MSRA: variants seen among roughly 807,000 people sequenced by gnomAD.
MSRA encodes methionine sulfoxide reductase A, also known as mitochondrial peptide methionine sulfoxide reductase.
MSRA carries 54 observed loss-of-function variants against 31.3 expected under a neutral mutation model. The ratio of observed to expected loss-of-function variants is 1.73; its 90% CI spans 1.39 to 2.17. The LOEUF is 2.17. Among genes scored for constraint, MSRA ranks in the 30% most tolerant of loss-of-function variants. The pLI is 0.00. For synonymous variants in MSRA, 169 were observed against 116.5 expected (o/e 1.45, Z -2.90); for missense variants, 507 against 300.9 (o/e 1.69, Z -5.07).
At chr8:10,179,412 T>C (rs1806345085) in intron 1 of MSRA, among the ~76,000 whole-genome samples, 1 of 152,236 alleles carries the variant, frequency 6.6e-6, no homozygotes, top group African/African-American at 2.4e-5. Flanking sequence ...CCATGGTTAC[T>C]TTCAGCTCTG....
chr8:10,193,366 T>G (rs1807692124), intron 1 of MSRA, among the ~76,000 whole-genome samples: 1 of 152,180 alleles, frequency 6.6e-6, no homozygotes, highest in East Asian at 1.9e-4. Context: ...TGAGGCCGCC[T>G]CCTCTGTCTC....
At chr8:10,142,245 A>C (rs545917705) in intron 1 of MSRA, among the ~76,000 whole-genome samples, 1 of 152,190 alleles carries the variant, frequency 6.6e-6, no homozygotes, top group Non-Finnish European at 1.5e-5. Flanking sequence ...GGCATGAGCC[A>C]CCGTGCCTGG....
chr8:10,228,606 C>T (rs866562073), intron 2 of MSRA, among the ~76,000 whole-genome samples: 2 of 152,308 alleles, frequency 1.3e-5, no homozygotes, highest in South Asian at 2.1e-4. Flanking sequence ...TCCACAGAGA[C>T]CAGCTTCTGA....
chr8:10,130,384 C>T (rs1010880295), intron 1 of MSRA, among the ~76,000 whole-genome samples: 1 of 152,208 alleles, frequency 6.6e-6, no homozygotes, highest in Admixed American at 6.5e-5. Flanking sequence ...TGTTGATCCC[C>T]ACTGGGGGAT....
intron 5 of MSRA, among the ~76,000 whole-genome samples, chr8:10,380,218 A>G (rs1431929818): frequency 1.3e-5 from 2 of 152,066 alleles, no homozygotes; most frequent in African/African-American, 2.4e-5. Flanking sequence ...CTCTGCCTAA[A>G]TGTTTATTTC....
intron 5 of MSRA, among the ~76,000 whole-genome samples, chr8:10,418,711 C>A (rs1050644043): frequency 2.1e-5 from 3 of 145,562 alleles, no homozygotes; most frequent in Admixed American, 1.5e-4. Context: ...CTAAGGACTT[C>A]TAGAGATAGT....
intron 5 of MSRA, among the ~76,000 whole-genome samples, chr8:10,383,750 G>C (rs573171849): frequency 1.3e-5 from 2 of 152,296 alleles, no homozygotes; most frequent in East Asian, 3.9e-4. Flanking sequence ...TGCTGCATTG[G>C]GAAACTGTAG....
chr8:10,067,519 A>G (rs1797517765), intron 1 of MSRA, among the ~76,000 whole-genome samples: 1 of 152,238 alleles, frequency 6.6e-6, no homozygotes, highest in Non-Finnish European at 1.5e-5. Context: ...TTGTGTGGTC[A>G]TAAGTTTTCA....
At chr8:10,311,512 C>G (rs1419610645) in intron 4 of MSRA, among the ~76,000 whole-genome samples, 1 of 152,134 alleles carries the variant, frequency 6.6e-6, no homozygotes, top group Non-Finnish European at 1.5e-5. Flanking sequence ...GGAACATATT[C>G]CAGGCCATAA....
chr8:10,177,042 T>A (rs1806111785), intron 1 of MSRA, among the ~76,000 whole-genome samples: 1 of 152,238 alleles, frequency 6.6e-6, no homozygotes, highest in African/African-American at 2.4e-5. Flanking sequence ...GACCTTAGAA[T>A]GAGAAATGGT....
chr8:10,179,784 G>C (rs1806375982), intron 1 of MSRA, among the ~76,000 whole-genome samples: 1 of 152,202 alleles, frequency 6.6e-6, no homozygotes, highest in Non-Finnish European at 1.5e-5. Context: ...TATTCAATGA[G>C]AGGTTGAAGG....
At chr8:10,097,023 T>A (rs915790101) in intron 1 of MSRA, among the ~76,000 whole-genome samples, 3 of 152,238 alleles carry the variant, frequency 2.0e-5, no homozygotes, top group Admixed American at 6.5e-5. Flanking sequence ...GTTTGGAGTA[T>A]GTAATCATTG....
chr8:10,318,940 G>A (rs7010549), intron 4 of MSRA, among the ~76,000 whole-genome samples: 88,101 of 152,048 alleles, frequency 0.58, 26,179 homozygotes, highest in African/African-American at 0.68. Flanking sequence ...CTGCTCCGCA[G>A]TCCTTACCTT....
intron 4 of MSRA, among the ~76,000 whole-genome samples, chr8:10,314,910 C>G (rs1585441641): frequency 6.6e-6 from 1 of 152,122 alleles, no homozygotes; most frequent in Non-Finnish European, 1.5e-5. Flanking sequence ...AGTCTATTCC[C>G]ATGCTGCTAA....
At chr8:10,162,160 G>A (rs1005258758) in intron 1 of MSRA, among the ~76,000 whole-genome samples, 4 of 152,154 alleles carry the variant, frequency 2.6e-5, no homozygotes, top group African/African-American at 7.2e-5. Flanking sequence ...AGTGGTCTGC[G>A]GTGGAACAGT....
chr8:10,073,516 A>G (rs544565482), intron 1 of MSRA, among the ~76,000 whole-genome samples: 2 of 152,054 alleles, frequency 1.3e-5, no homozygotes, highest in African/African-American at 4.8e-5. Flanking sequence ...GCTGAATCTT[A>G]CTATAGTTTC....
intron 5 of MSRA, among the ~76,000 whole-genome samples, chr8:10,413,068 CT>C (rs1401431988): frequency 1.3e-5 from 2 of 152,234 alleles, no homozygotes; most frequent in Non-Finnish European, 2.9e-5. Context: ...AGGAAACAAC[CT>C]AAGTGGCCTT....
intron 5 of MSRA, among the ~76,000 whole-genome samples, chr8:10,376,518 G>C (rs1385697560): frequency 6.6e-6 from 1 of 152,114 alleles, no homozygotes; most frequent in African/African-American, 2.4e-5. Flanking sequence ...TCTACAATAA[G>C]GGTAATGATA....
intron 1 of MSRA, among the ~76,000 whole-genome samples, chr8:10,187,407 A>G (rs1369500682): frequency 2.0e-5 from 3 of 152,210 alleles, no homozygotes; most frequent in Non-Finnish European, 4.4e-5. Flanking sequence ...CCGGTACCCA[A>G]GCTACCTTCC....
Sources: gnomAD v4.1 joint callset for allele counts (sites outside exome capture counted in the v4.1 genomes callset) on GRCh38, gnomAD v4.1.1 for gene constraint, MANE v1.5 for transcripts, NCBI Gene and HGNC (gene_info 2026-07-23, HGNC 2026-07-21) for gene names.